Variants in OTOG observed in about 807,000 individuals in gnomAD.
The protein encoded by OTOG is otogelin.
Under a neutral mutation model 313.8 loss-of-function variants are expected in OTOG, and 296 were observed. The observed-to-expected ratio is 0.94, with a 90% CI of 0.86 to 1.04. OTOG has a LOEUF of 1.04. Ranked by LOEUF, OTOG falls within the 50% of genes least tolerant of loss-of-function variation. The pLI is 0.00. For synonymous variants in OTOG, 1,533 were observed against 1,554.9 expected (o/e 0.99, Z 0.33); for missense variants, 3,948 against 3,840.1 (o/e 1.03, Z -0.74).
rs765128079 is a variant in OTOG, at chr11:17,612,165, A to G, written c.6127A>G (p.Ile2043Val). ...ACTTCCTCCACTCTGTACCCAGCCAATCGCCGAGCAGGACTGCGTCCGCCA... is the reference window on the plus strand; with the variant it reads ...ACTTCCTCCACTCTGTACCCAGCCAGTCGCCGAGCAGGACTGCGTCCGCCA... Reference protein sequence around the residue: ...EANTSTTCVPIAEQDCVRHIC... With the variant: ...EANTSTTCVPVAEQDCVRHIC... The change falls in exon 37 of 56, where the codon ATC (isoleucine) becomes GTC (valine). Residue 2043 changes from isoleucine (I) to valine (V), a missense_variant. Physicochemically the swap from Ile to Val is conservative, Grantham distance 29. Transcript: ENST00000399397. The G allele has an allele frequency of 9.0e-6, 14 of 1,549,236 alleles. No homozygotes were observed. The Admixed American group carries it at 2.2e-4, about 24-fold the overall frequency.
intron 6 of OTOG, among the ~76,000 whole-genome samples, chr11:17,554,951 T>C (rs964495853): frequency 1.3e-5 from 2 of 152,344 alleles, no homozygotes; most frequent in East Asian, 3.9e-4. Flanking sequence ...ATATTTCTTA[T>C]TGTAGGTCAT....
intron 39 of OTOG, among the ~76,000 whole-genome samples, chr11:17,628,454 A>AT (rs1315998467): frequency 6.6e-6 from 1 of 152,154 alleles, no homozygotes; most frequent in African/African-American, 2.4e-5. Flanking sequence ...CCCATGGTAC[A>AT]TCCAAATTTA....
At chr11:17,597,842 C>G (rs1328724501) in intron 30 of OTOG, among the ~76,000 whole-genome samples, 2 of 152,170 alleles carry the variant, frequency 1.3e-5, no homozygotes, top group African/African-American at 4.8e-5. Context: ...GAGTTTGGCC[C>G]CAAGCTCCAC....
chr11:17,558,667 A>G (rs1177920179), intron 10 of OTOG, 23 bp downstream of exon 10: 12 of 1,543,858 alleles, frequency 7.8e-6, no homozygotes, highest in Admixed American at 5.9e-5. Flanking sequence ...GGTGTGGGCT[A>G]TGGGGAACCC....
At chr11:17,573,484 C>T (rs1319724148) in intron 19 of OTOG, among the ~76,000 whole-genome samples, 194 bp downstream of exon 19, 1 of 152,250 alleles carries the variant, frequency 6.6e-6, no homozygotes, top group Non-Finnish European at 1.5e-5. Context: ...AGGCATAACA[C>T]CTGGGACCTG....
intron 34 of OTOG, 99 bp from the exon 35 acceptor site, chr11:17,609,029 ATG>A: frequency 2.2e-6 from 2 of 899,668 alleles, no homozygotes; most frequent in Non-Finnish European, 3.5e-6. Context: ...GTGCACGCAC[ATG>A]TGTCATAAGA....
At chr11:17,643,362 A>G in intron 53 of OTOG, 99 bp from the exon 54 acceptor site, 1 of 772,142 alleles carries the variant, frequency 1.3e-6, no homozygotes, top group Non-Finnish European at 1.9e-6. Flanking sequence ...GGGAGAGAAG[A>G]GTCAAGACTC....
At chr11:17,555,952 G>A (rs1852050287) in intron 7 of OTOG, 55 bp downstream of exon 7, 4 of 1,343,320 alleles carry the variant, frequency 3.0e-6, no homozygotes, top group Non-Finnish European at 3.1e-6. Context: ...TGGTGGTGGT[G>A]GATGGGTGAG....
intron 39 of OTOG, among the ~76,000 whole-genome samples, chr11:17,624,030 G>T (rs751817567): frequency 1.3e-5 from 2 of 152,128 alleles, no homozygotes; most frequent in Non-Finnish European, 2.9e-5. Flanking sequence ...ATTTGTTTAA[G>T]TTCCTTATAG....
intron 24 of OTOG, among the ~76,000 whole-genome samples, chr11:17,590,745 T>A (rs1176415321): frequency 6.6e-6 from 1 of 152,220 alleles, no homozygotes; most frequent in Non-Finnish European, 1.5e-5. Flanking sequence ...CTCTTGCCCT[T>A]GCCCTCTCCA....
At chr11:17,625,183 C>T (rs1420416596) in intron 39 of OTOG, among the ~76,000 whole-genome samples, 1 of 152,138 alleles carries the variant, frequency 6.6e-6, no homozygotes, top group Non-Finnish European at 1.5e-5. Context: ...GCCAGGACTT[C>T]CAATACTATG....
Position 17,645,834 on chromosome 11 carries a change from C to G in OTOG, c.8632C>G (p.Arg2878Gly). 9.0e-6 allele frequency: 14 copies of G among 1,550,984 alleles called. No homozygotes were observed. The highest frequency in any genetic ancestry group is 1.2e-5 in the Non-Finnish European group (14 of 1,147,082). Residue 2878 changes from arginine to glycine, a missense_variant, in exon 56 of 56, where the codon CGT becomes GGT. Arg to Gly is a moderately radical substitution (Grantham distance 125). Coordinates refer to ENST00000399397, the MANE Select transcript of OTOG (RefSeq NM_001292063.2). ...CTATGCCCGATTCTGCAAGTGCTGC[C>G]GTGAGGTGGGCCTGCAGCGGCGCTC... The part of the protein sequence containing the change: ...NTYARFCKCC[R>G]EVGLQRRSVQ...
chr11:17,635,407 T>C (rs1167883324), intron 46 of OTOG, among the ~76,000 whole-genome samples: 2 of 152,114 alleles, frequency 1.3e-5, no homozygotes, highest in African/African-American at 4.8e-5. Context: ...CTGGTGCTTG[T>C]TCTGTGTAAG....
chr11:17,641,099 G>A lies in OTOG; in HGVS notation c.8190+8G>A, dbSNP rs1258304711. 9.2e-6 allele frequency: 4 copies of A among 434,770 alleles called. No individual in the cohort carries two copies. In the Admixed American group the frequency reaches 1.0e-4, roughly 11 times the overall value. 26.9% of individuals were successfully genotyped at this position (434,770 alleles called of 1,614,324 possible). Reference sequence around the variant, plus strand: ...GACATCCACTGTGAGGCGGTAGGGTGCAGCCCAGGGCGGGGTGGGTGGGGT... The same window carrying A: ...GACATCCACTGTGAGGCGGTAGGGTACAGCCCAGGGCGGGGTGGGTGGGGT... On this transcript the variant is annotated splice_region_variant and intron_variant, in intron 51 of 55. Coordinates refer to ENST00000399397, the MANE Select transcript of OTOG (RefSeq NM_001292063.2).
Position 17,610,751 on chromosome 11 carries a change from C to T in OTOG, c.5451C>T (p.Ala1817=). ...SLPLAKVGTS[A]PVATPGPKAS... ...CCCTGGCCAAGGTGGGCACATCTGCCCCAGTGGCCACACCCGGCCCCAAAG... is the reference window on the plus strand; with the variant it reads ...CCCTGGCCAAGGTGGGCACATCTGCTCCAGTGGCCACACCCGGCCCCAAAG... Residue 1817 remains alanine (A), a synonymous_variant, in exon 36 of 56, where the codon GCC becomes GCT. Transcript: ENST00000399397. 6.5e-7 allele frequency: 1 copy of T among 1,550,080 alleles called. No individual in the cohort carries two copies.
intron 23 of OTOG, among the ~76,000 whole-genome samples, chr11:17,581,682 A>T (rs1197810343): frequency 1.3e-5 from 2 of 152,184 alleles, no homozygotes; most frequent in Non-Finnish European, 2.9e-5. Context: ...TTAGGCTTTG[A>T]CAAATTGATA....
At chr11:17,613,195 T>TTTCTTTTCTTTCTTTCTTTCTTTC (rs1401646180) in intron 38 of OTOG, among the ~76,000 whole-genome samples, 31 of 65,332 alleles carry the variant, frequency 4.7e-4, no homozygotes, top group African/African-American at 1.7e-3. Flanking sequence ...TCTTTCTTTC[T>TTTCTTTTCTTTCTTTCTTTCTTTC]TTTCTTTCTT....
At chr11:17,599,603 C>T (rs1262596265) in intron 30 of OTOG, 68 bp from the exon 31 acceptor site, 1 of 1,526,418 alleles carries the variant, frequency 6.6e-7, no homozygotes, top group Non-Finnish European at 8.9e-7. Flanking sequence ...TGCTGGGAGC[C>T]TTGGCTCTGT....
intron 40 of OTOG, among the ~76,000 whole-genome samples, chr11:17,631,389 TGG>T (rs772265474): frequency 1.7e-5 from 2 of 116,006 alleles, no homozygotes; most frequent in African/African-American, 6.4e-5. Context: ...TGTGTGTGTG[TGG>T]GGGGGGGTAT....
Sources: allele counts gnomAD v4.1 joint callset (sites outside exome capture counted in the v4.1 genomes callset), GRCh38; gene constraint gnomAD v4.1.1; transcripts MANE v1.5; gene names NCBI Gene and HGNC (gene_info 2026-07-23, HGNC 2026-07-21).